Variants in PLXDC2 observed in about 807,000 individuals in gnomAD.
The protein encoded by PLXDC2 is plexin domain containing 2, also known as plexin domain-containing protein 2.
A neutral mutation model predicts 68.9 loss-of-function variants in PLXDC2; 40 were observed. The observed-to-expected ratio is 0.58, with a 90% CI of 0.45 to 0.76. PLXDC2 has a LOEUF of 0.76. PLXDC2 is among the 30% of genes least tolerant of loss of function. PLXDC2 has a pLI of 0.00. For synonymous variants in PLXDC2, 243 were observed against 234.2 expected (o/e 1.04, Z -0.34); for missense variants, 644 against 661.9 (o/e 0.97, Z 0.30).
intron 1 of PLXDC2, among the ~76,000 whole-genome samples, chr10:19,829,215 T>C (rs889685572): frequency 6.7e-6 from 1 of 149,352 alleles, no homozygotes; most frequent in African/African-American, 2.5e-5. Flanking sequence ...TTAGCCTTGA[T>C]GTCTTTATCG....
At chr10:19,936,697 T>C (rs1833730931) in intron 1 of PLXDC2, among the ~76,000 whole-genome samples, 1 of 152,212 alleles carries the variant, frequency 6.6e-6, no homozygotes, top group Non-Finnish European at 1.5e-5. Flanking sequence ...AAATAGTCCA[T>C]GGTGGAGTAT....
At chr10:20,053,457 G>A (rs572409574) in intron 3 of PLXDC2, among the ~76,000 whole-genome samples, 3 of 152,194 alleles carry the variant, frequency 2.0e-5, no homozygotes, top group Admixed American at 2.0e-4. Context: ...TGGGTATTTT[G>A]TCCTTCATTC....
intron 1 of PLXDC2, among the ~76,000 whole-genome samples, chr10:19,834,036 G>A (rs572542318): frequency 1.3e-5 from 2 of 151,566 alleles, no homozygotes; most frequent in South Asian, 2.1e-4. Context: ...AGAAGTGGAC[G>A]TCTTCATGGT....
At chr10:19,883,408 C>G (rs1175830951) in intron 1 of PLXDC2, among the ~76,000 whole-genome samples, 1 of 152,140 alleles carries the variant, frequency 6.6e-6, no homozygotes, top group East Asian at 1.9e-4. Flanking sequence ...CTTCTTTTCA[C>G]TATGCAGATT....
chr10:20,100,572 T>C (rs1380731334), intron 4 of PLXDC2, among the ~76,000 whole-genome samples: 1 of 152,186 alleles, frequency 6.6e-6, no homozygotes, highest in Non-Finnish European at 1.5e-5. Flanking sequence ...ACGGTTGCTC[T>C]GGACATGTCA....
chr10:19,961,107 G>T (rs1834147776), intron 1 of PLXDC2, among the ~76,000 whole-genome samples: 2 of 152,168 alleles, frequency 1.3e-5, no homozygotes, highest in Non-Finnish European at 2.9e-5. Context: ...AAATTCTGTG[G>T]TGTTTTGGGG....
In PLXDC2 at chr10:20,217,555, C is replaced by A; in HGVS notation, c.1252C>A (p.Pro418Thr). Residue 418 changes from proline (P) to threonine (T), a missense_variant, in exon 11 of 14, where the codon CCC (proline) becomes ACC (threonine). Physicochemically the swap from Pro to Thr is conservative, Grantham distance 38. This residue lies in a region of PLXDC2 where 330 missense variants were observed against 327.9 expected (regional missense o/e 1.01). Coordinates refer to ENST00000377252, the MANE Select transcript of PLXDC2 (RefSeq NM_032812.9). ...CAGAAGAGCAGTGACTTCTCAGTTTCCCACCAGCCTCCCTACAGAAGGTAC... is the reference window on the plus strand; with the variant it reads ...CAGAAGAGCAGTGACTTCTCAGTTTACCACCAGCCTCCCTACAGAAGGTAC... Reference protein sequence around the residue: ...TTRRAVTSQFPTSLPTEDDTK... With the variant: ...TTRRAVTSQFTTSLPTEDDTK... The A allele has an allele frequency of 6.3e-7, 1 of 1,588,992 alleles. No individual in the cohort carries two copies. Among genetic ancestry groups the A allele is most frequent in the Non-Finnish European group, 8.6e-7 (1 of 1,165,634 alleles).
At chr10:19,819,020 G>T (rs973966715) in intron 1 of PLXDC2, among the ~76,000 whole-genome samples, 59 of 126,844 alleles carry the variant, frequency 4.7e-4, no homozygotes, top group African/African-American at 1.9e-3. Context: ...ACTGAAAAAA[G>T]AATATATGTA....
At chr10:20,249,045 T>C (rs553154500) in intron 13 of PLXDC2, among the ~76,000 whole-genome samples, 1 of 152,242 alleles carries the variant, frequency 6.6e-6, no homozygotes, top group Admixed American at 6.5e-5. Flanking sequence ...GGAATTTTTA[T>C]GTACATAATT....
intron 1 of PLXDC2, among the ~76,000 whole-genome samples, chr10:19,851,992 C>G (rs1837126140): frequency 6.6e-6 from 1 of 152,184 alleles, no homozygotes; most frequent in East Asian, 1.9e-4. Flanking sequence ...GATCAGGCCA[C>G]AGAAAGGTAA....
intron 3 of PLXDC2, among the ~76,000 whole-genome samples, chr10:20,063,008 G>GA (rs963753845): frequency 6.6e-6 from 1 of 150,888 alleles, no homozygotes; most frequent in Non-Finnish European, 1.5e-5. Flanking sequence ...ATTGTTTTTT[G>GA]AAAAAAAATC....
chr10:20,222,035 G>T (rs548933725), intron 12 of PLXDC2, among the ~76,000 whole-genome samples: 2 of 152,248 alleles, frequency 1.3e-5, no homozygotes, highest in African/African-American at 2.4e-5. Flanking sequence ...AGATTGACAG[G>T]TCTGTCATCT....
chr10:19,878,628 T>C (rs1837675954), intron 1 of PLXDC2, among the ~76,000 whole-genome samples: 1 of 152,242 alleles, frequency 6.6e-6, no homozygotes, highest in Non-Finnish European at 1.5e-5. Flanking sequence ...AATCCATCAA[T>C]AAGCTATCCT....
At chr10:20,096,509 G>A (rs1010094503) in intron 4 of PLXDC2, among the ~76,000 whole-genome samples, 15 of 152,058 alleles carry the variant, frequency 9.9e-5, no homozygotes, top group Non-Finnish European at 2.1e-4. Context: ...GCCAGCAGCA[G>A]CAGAAGAGAA....
chr10:19,947,005 G>A (rs1448756407), intron 1 of PLXDC2, among the ~76,000 whole-genome samples: 1 of 152,078 alleles, frequency 6.6e-6, no homozygotes, highest in Non-Finnish European at 1.5e-5. Context: ...TGGGGTTGGG[G>A]GCCTCTGATC....
At chr10:20,270,417 GTTTCCTATATCAAA>G (rs1564372314) in intron 13 of PLXDC2, among the ~76,000 whole-genome samples, 1 of 152,140 alleles carries the variant, frequency 6.6e-6, no homozygotes, top group Non-Finnish European at 1.5e-5. Context: ...ATTTCTGAAC[GTTTCCTATATCAAA>G]TTAGTGGTAA....
chr10:19,954,277 G>A (rs192921953), intron 1 of PLXDC2, among the ~76,000 whole-genome samples: 1 of 152,046 alleles, frequency 6.6e-6, no homozygotes, highest in East Asian at 1.9e-4. Context: ...AAAATTTGGT[G>A]TATATTAATC....
In PLXDC2 at chr10:20,283,544, A is replaced by T. The variant is rs1836108986; in HGVS notation, c.*3725A>T. On this transcript the variant is annotated 3_prime_UTR_variant, in exon 14 of 14. Transcript: ENST00000377252. ...GAGAATGCATTCAAAACACAAAGCA[A>T]AATTGCTTCAGTTTCTTTTCTGCCC... 3.3e-5 allele frequency: 5 copies of T among 152,206 alleles called. No homozygotes were observed. Among genetic ancestry groups the T allele is most frequent in the Admixed American group, 3.3e-4 (5 of 15,268 alleles). The allele number at this position is 152,206 out of a possible 1,614,324, so 9.4% of individuals were successfully genotyped here.
chr10:20,228,401 A>C (rs1431595522), intron 12 of PLXDC2, among the ~76,000 whole-genome samples: 2 of 152,032 alleles, frequency 1.3e-5, no homozygotes, highest in South Asian at 4.2e-4. Context: ...TCTCTACAAA[A>C]AAATACATAA....
Sources: allele counts gnomAD v4.1 joint callset (sites outside exome capture counted in the v4.1 genomes callset), GRCh38; gene constraint gnomAD v4.1.1; regional missense constraint gnomAD v4.1.1; transcripts MANE v1.5; gene names NCBI Gene and HGNC (gene_info 2026-07-23, HGNC 2026-07-21).